GREM2: variants seen among roughly 807,000 people sequenced by gnomAD.
GREM2 encodes gremlin-2.
GREM2 carries 11 observed loss-of-function variants against 14.2 expected under a neutral mutation model. The observed-to-expected ratio is 0.78, with a 90% CI of 0.49 to 1.28. The LOEUF is 1.28. Among genes scored for constraint, GREM2 ranks in the 50% most tolerant of loss-of-function variants. The pLI, the probability that GREM2 is intolerant of heterozygous loss-of-function variation, is 0.00. For missense variants in GREM2, 210 were observed against 218.5 expected, an observed-to-expected ratio of 0.96 and a Z score of 0.24; for synonymous variants, 98 against 97.6, an observed-to-expected ratio of 1.00 and a Z score of -0.02.
At chr1:240,589,437 GAAAAAAAGAAA>G (rs1221139341) in intron 1 of GREM2, among the ~76,000 whole-genome samples, 20 of 129,926 alleles carry the variant, frequency 1.5e-4, no homozygotes, top group Non-Finnish European at 2.9e-4. Context: ...CTCCATCTCA[GAAAAAAAGAAA>G]AAAAAAAGAA....
At chr1:240,534,177 G>A (rs983730323) in intron 1 of GREM2, among the ~76,000 whole-genome samples, 1 of 152,172 alleles carries the variant, frequency 6.6e-6, no homozygotes, top group East Asian at 1.9e-4. Context: ...CAGGAAGAGA[G>A]GTGTGAGGCA....
intron 1 of GREM2, among the ~76,000 whole-genome samples, chr1:240,544,666 G>A (rs1011928855): frequency 1.2e-4 from 19 of 152,128 alleles, no homozygotes; most frequent in Non-Finnish European, 2.2e-4. Context: ...TTTCAAAGCC[G>A]TCCACACCTC....
chr1:240,588,000 G>A (rs557646762), intron 1 of GREM2, among the ~76,000 whole-genome samples: 4 of 152,194 alleles, frequency 2.6e-5, no homozygotes, highest in Non-Finnish European at 4.4e-5. Flanking sequence ...GCTGTGAAAC[G>A]GCACATGGAA....
chr1:240,541,834 C>T (rs1406177490), intron 1 of GREM2, among the ~76,000 whole-genome samples: 1 of 152,104 alleles, frequency 6.6e-6, no homozygotes, highest in Non-Finnish European at 1.5e-5. Flanking sequence ...AGGCAAAAGT[C>T]ATAAAGGGCC....
chr1:240,540,567 CTT>C lies in GREM2; in HGVS notation c.-1-47093_-1-47092del, dbSNP rs113815795. Among the ~76,000 whole-genome samples the C allele has an allele frequency of 1.0e-4, 15 of 143,034 alleles. No individual in the cohort carries two copies. The highest frequency in any genetic ancestry group is 1.2e-4 in the Non-Finnish European group (8 of 64,840). The allele number at this position is 143,034 out of a possible 152,430, so 93.8% of individuals were successfully genotyped here. ...GTAAGTCAAAAGAAGAATGGTACTT[CTT>C]TTTTTTTTTTTTGAGATGGAGTCTC... On this transcript the variant is annotated intron_variant, in intron 1 of 1. Coordinates refer to ENST00000318160, the MANE Select transcript of GREM2 (RefSeq NM_022469.4). The surrounding 1 kb of genome is among the most constrained non-coding windows in gnomAD (Gnocchi z 4.2).
chr1:240,574,363 A>C (rs903326279), intron 1 of GREM2, among the ~76,000 whole-genome samples: 7 of 152,196 alleles, frequency 4.6e-5, no homozygotes, highest in Non-Finnish European at 7.3e-5. Flanking sequence ...ACCTACTAGT[A>C]ATATAAAAAT....
At chr1:240,513,157 GGGGCTTCCCTATGGCAT>G (rs1677872730) in intron 1 of GREM2, among the ~76,000 whole-genome samples, 1 of 152,166 alleles carries the variant, frequency 6.6e-6, no homozygotes, top group Non-Finnish European at 1.5e-5. Context: ...GAATGGTTAG[GGGGCTTCCCTATGGCAT>G]GCAACGTGAG....
At chr1:240,517,787 C>G (rs1231199514) in intron 1 of GREM2, among the ~76,000 whole-genome samples, 1 of 152,136 alleles carries the variant, frequency 6.6e-6, no homozygotes, top group Non-Finnish European at 1.5e-5. Flanking sequence ...AGAGGCTTGG[C>G]TATTCCAGAA....
chr1:240,522,618 T>C (rs1185074865), intron 1 of GREM2, among the ~76,000 whole-genome samples: 1 of 152,232 alleles, frequency 6.6e-6, no homozygotes, highest in Non-Finnish European at 1.5e-5. Context: ...CCCTTGCCCC[T>C]GAGAAAACAT....
intron 1 of GREM2, among the ~76,000 whole-genome samples, chr1:240,609,368 C>A (rs938297716): frequency 6.6e-6 from 1 of 151,974 alleles, no homozygotes. Flanking sequence ...AGTGTTGAGT[C>A]TGAGGACCAC....
chr1:240,525,939 C>T (rs1300913805), intron 1 of GREM2, among the ~76,000 whole-genome samples: 1 of 152,152 alleles, frequency 6.6e-6, no homozygotes, highest in Non-Finnish European at 1.5e-5. Flanking sequence ...CATTGATTGG[C>T]TCCCGGTATT....
intron 1 of GREM2, among the ~76,000 whole-genome samples, chr1:240,552,492 A>G (rs1678871644): frequency 6.6e-6 from 1 of 152,150 alleles, no homozygotes; most frequent in Admixed American, 6.5e-5. Context: ...CTGCTTGGGA[A>G]GCTGAGATGG....
At chr1:240,526,200 G>C (rs990549154) in intron 1 of GREM2, among the ~76,000 whole-genome samples, 1 of 152,164 alleles carries the variant, frequency 6.6e-6, no homozygotes, top group Non-Finnish European at 1.5e-5. Context: ...GGCATCTTTG[G>C]AGGGGGGCAT....
At chr1:240,589,789 A>C (rs765239502) in intron 1 of GREM2, among the ~76,000 whole-genome samples, 1 of 152,142 alleles carries the variant, frequency 6.6e-6, no homozygotes, top group Non-Finnish European at 1.5e-5. Context: ...ACTTTAAGAG[A>C]AGTGCAAAGT....
chr1:240,594,127 G>T (rs918769651), intron 1 of GREM2, among the ~76,000 whole-genome samples: 2 of 151,750 alleles, frequency 1.3e-5, no homozygotes, highest in African/African-American at 4.8e-5. Context: ...CTAATTTTTT[G>T]ATTTTTTGTA....
chr1:240,539,292 G>C (rs1678539531), intron 1 of GREM2, among the ~76,000 whole-genome samples: 1 of 152,162 alleles, frequency 6.6e-6, no homozygotes. Context: ...GTGGTGACAA[G>C]TCTCTTTGCT....
chr1:240,579,770 G>A (rs546908029), intron 1 of GREM2, among the ~76,000 whole-genome samples: 9 of 152,360 alleles, frequency 5.9e-5, no homozygotes, highest in Middle Eastern at 3.4e-3. Flanking sequence ...GCTTTGAAGT[G>A]TGATGGATTT....
At chr1:240,591,139 C>T (rs1391497612) in intron 1 of GREM2, among the ~76,000 whole-genome samples, 1 of 152,138 alleles carries the variant, frequency 6.6e-6, no homozygotes, top group Non-Finnish European at 1.5e-5. Flanking sequence ...AAGGAAATTT[C>T]CCTGTCCACC....
At chr1:240,563,135 ATGTG>A (rs10549945) in intron 1 of GREM2, among the ~76,000 whole-genome samples, 50 of 134,612 alleles carry the variant, frequency 3.7e-4, no homozygotes, top group African/African-American at 1.0e-3. Context: ...GTGTATGTGT[ATGTG>A]TGTGTGTGAG....
Sources: allele counts gnomAD v4.1 joint callset (sites outside exome capture counted in the v4.1 genomes callset), GRCh38; gene constraint gnomAD v4.1.1; non-coding constraint Gnocchi (gnomAD v3.1); transcripts MANE v1.5; gene names NCBI Gene and HGNC (gene_info 2026-07-23, HGNC 2026-07-21).